Variants in NPM2 observed in about 807,000 individuals in gnomAD.
NPM2 encodes nucleoplasmin-2.
A neutral mutation model predicts 32.0 loss-of-function variants in NPM2; 25 were observed. The ratio of observed to expected loss-of-function variants is 0.78; its 90% confidence interval spans 0.57 to 1.09. The LOEUF (loss-of-function observed/expected upper bound fraction) is 1.09, where lower values mean the gene tolerates loss of function less well. Ranked by LOEUF, NPM2 falls within the 50% of genes least tolerant of loss-of-function variation. The pLI, the probability that NPM2 is intolerant of heterozygous loss-of-function variation, is 0.00. For synonymous variants in NPM2, 111 were observed against 94.2 expected (o/e 1.18, Z -1.04); for missense variants, 282 against 259.9 (o/e 1.08, Z -0.58).
rs900632389 is a variant in NPM2, at chr8:22,024,944, C to T, written c.-34+114C>T. 2.4e-5 allele frequency: 10 copies of T among 422,804 alleles called. No individual in the cohort carries two copies. In the East Asian group the frequency reaches 4.6e-4, roughly 19 times the overall value. The allele number at this position is 422,804 out of a possible 1,614,324, so 26.2% of individuals were successfully genotyped here. A position where few individuals can be genotyped will look rare whatever the true frequency, so the allele number is the denominator to read the frequency against. On this transcript the variant is annotated intron_variant, in intron 2 of 9. Coordinates refer to ENST00000518119, the MANE Select transcript of NPM2 (RefSeq NM_001286680.2). ...AGGCCCAAGCGCAGCCAGGTGACCT[C>T]CCCGCGGCCTTTCAAGCCTGAGCTC...
intron 5 of NPM2, among the ~76,000 whole-genome samples, chr8:22,028,587 C>T (rs979602817): frequency 5.9e-5 from 9 of 151,688 alleles, no homozygotes; most frequent in African/African-American, 1.9e-4. Flanking sequence ...GCCTCAGCCT[C>T]CCAAAGTGCT....
At chr8:22,031,285 C>G (rs1158232761) in intron 5 of NPM2, among the ~76,000 whole-genome samples, 1 of 152,088 alleles carries the variant, frequency 6.6e-6, no homozygotes, top group Non-Finnish European at 1.5e-5. Context: ...GAGAAGAGGG[C>G]TGGTTTGGGC....
Position 22,025,295 on chromosome 8 carries a change from C to G in NPM2, c.47C>G (p.Thr16Ser), listed in dbSNP as rs1034928415. Residue 16 changes from threonine (T) to serine (S), a missense_variant, in exon 3 of 10, where the codon ACC (threonine) becomes AGC (serine). Transcript: ENST00000518119. ...ASSTEEKAVTTVLWGCELSQE... is the reference protein window; with the variant it reads ...ASSTEEKAVTSVLWGCELSQE... ...AGCACGGAGGAAAAGGCAGTGACGACCGTGCTCTGGGGTGAGTGGGGACTC... is the reference window on the plus strand; with the variant it reads ...AGCACGGAGGAAAAGGCAGTGACGAGCGTGCTCTGGGGTGAGTGGGGACTC... 6.2e-7 allele frequency: 1 copy of G among 1,610,192 alleles called. No homozygotes were observed. The highest frequency in any genetic ancestry group is 1.3e-5 in the African/African-American group (1 of 74,776).
intron 5 of NPM2, among the ~76,000 whole-genome samples, chr8:22,026,506 G>C (rs1241392535): frequency 8.2e-5 from 12 of 146,288 alleles, no homozygotes; most frequent in Admixed American, 7.7e-4. Context: ...CCAGGCTGGA[G>C]TGCAGTGGTG....
chr8:22,033,101 C>T, intron 5 of NPM2, 29 bp from the exon 6 acceptor site: 1 of 1,569,406 alleles, frequency 6.4e-7, no homozygotes, highest in Non-Finnish European at 8.8e-7. Context: ...CCTAAGTGGC[C>T]CTGTCTTCTC....
intron 4 of NPM2, 42 bp from the exon 5 acceptor site, chr8:22,025,605 C>T: frequency 2.5e-6 from 4 of 1,614,066 alleles, no homozygotes; most frequent in Non-Finnish European, 3.4e-6. Context: ...CTCCCGTCGG[C>T]CCTCAGGGTG....
intron 5 of NPM2, among the ~76,000 whole-genome samples, chr8:22,027,709 T>G (rs2309309): frequency 6.6e-6 from 1 of 152,052 alleles, no homozygotes; most frequent in African/African-American, 2.4e-5. Context: ...CATGTTCGAG[T>G]GATTCTCCCA....
Position 22,033,167 on chromosome 8 carries a change from C to T in NPM2, c.308C>T (p.Thr103Ile), listed in dbSNP as rs1800497081. The change falls in exon 6 of 10, where the codon ACT becomes ATT. Residue 103 changes from threonine (T) to isoleucine (I), a missense_variant. Thr to Ile is a moderately conservative substitution (Grantham distance 89). Transcript: ENST00000518119. ...GGAGTGCAGCTTTCTCCCCCAGTTA[C>T]TTTCCAGCTCCGGGCTGGCTCAGGA... ...MVGVQLSPPV[T>I]FQLRAGSGPV... The T allele has an allele frequency of 6.2e-7, 1 of 1,614,036 alleles. No homozygotes were observed. The highest frequency in any genetic ancestry group is 1.1e-5 in the South Asian group (1 of 91,082).
intron 5 of NPM2, among the ~76,000 whole-genome samples, chr8:22,030,281 TAGGTTGGAG>T: frequency 6.6e-6 from 1 of 152,182 alleles, no homozygotes; most frequent in Non-Finnish European, 1.5e-5. Context: ...CTCTGTTGCC[TAGGTTGGAG>T]TGCAGTGGCC....
chr8:22,034,117 G>C lies in NPM2; in HGVS notation c.373G>C (p.Asp125His), dbSNP rs1275593432. 6.3e-7 allele frequency: 1 copy of C among 1,598,230 alleles called. No individual in the cohort carries two copies. Among genetic ancestry groups the C allele is most frequent in the Admixed American group, 1.7e-5 (1 of 58,840 alleles). The change falls in exon 7 of 10, where the codon GAC becomes CAC. Residue 125 changes from aspartate (D) to histidine (H), a missense_variant. Physicochemically the swap from Asp to His is moderately conservative, Grantham distance 81 (BLOSUM62 -1). Coordinates refer to ENST00000518119, the MANE Select transcript of NPM2 (RefSeq NM_001286680.2). Reference sequence around the variant, plus strand: ...TTCCCATGCTATTACAGAAGCATCAGACCTAACCTGGGAGGAGGAGGAGGA... The same window carrying C: ...TTCCCATGCTATTACAGAAGCATCACACCTAACCTGGGAGGAGGAGGAGGA... ...LSGQERYEAS[D>H]LTWEEEEEEE...
chr8:22,036,252 A>C, intron 8 of NPM2: 1 of 479,622 alleles, frequency 2.1e-6, no homozygotes, highest in East Asian at 3.7e-5. Context: ...CCATCTCAAA[A>C]ACAAAACAAA....
intron 5 of NPM2, among the ~76,000 whole-genome samples, chr8:22,030,769 T>C (rs900831463): frequency 1.3e-5 from 2 of 152,142 alleles, no homozygotes; most frequent in African/African-American, 2.4e-5. Flanking sequence ...AGCCTTGAAC[T>C]CCTGAGTTCA....
intron 4 of NPM2, 43 bp downstream of exon 4, chr8:22,025,564 C>A: frequency 6.2e-7 from 1 of 1,613,334 alleles, no homozygotes; most frequent in Non-Finnish European, 8.5e-7. Context: ...TGTCCGGGAA[C>A]TTTCTGGTCC....
chr8:22,026,701 C>T (rs577559380), intron 5 of NPM2, among the ~76,000 whole-genome samples: 6 of 152,128 alleles, frequency 3.9e-5, no homozygotes, highest in Admixed American at 1.3e-4. Flanking sequence ...GTGATTCGCC[C>T]GCCTTGGCCT....
At chr8:22,028,341 ATTTTTTTTT>A (rs36012479) in intron 5 of NPM2, among the ~76,000 whole-genome samples, 3 of 65,570 alleles carry the variant, frequency 4.6e-5, no homozygotes, top group African/African-American at 1.8e-4. Context: ...TGCCAAAAAG[ATTTTTTTTT>A]TTTTTTTTTT....
intron 5 of NPM2, among the ~76,000 whole-genome samples, chr8:22,025,994 G>A (rs1289336468): frequency 6.6e-6 from 1 of 152,066 alleles, no homozygotes; most frequent in East Asian, 1.9e-4. Flanking sequence ...CTTTAAACCA[G>A]GGGTCCCCAA....
intron 5 of NPM2, among the ~76,000 whole-genome samples, chr8:22,031,080 A>G (rs1179525911): frequency 1.3e-5 from 2 of 152,134 alleles, no homozygotes; most frequent in Middle Eastern, 3.2e-3. Context: ...TACCTCAGGA[A>G]TATCATAAGC....
rs1250250233 is a variant in NPM2, at chr8:22,025,700, C to T, written c.198C>T (p.Pro66=). 6 of 1,613,942 alleles carry T rather than the reference C, an allele frequency of 3.7e-6. No homozygotes were observed. The highest frequency in any genetic ancestry group is 5.1e-6 in the Non-Finnish European group (6 of 1,180,012). Residue 66 remains proline, a synonymous_variant, in exon 5 of 10, where the codon CCC becomes CCT. Coordinates refer to ENST00000518119, the MANE Select transcript of NPM2 (RefSeq NM_001286680.2). Reference sequence around the variant, plus strand: ...AGATGCATCGCGTGGAGATCCTGCCCCCAGCAAACCAGGAGGACAAGAAGA... The same window carrying T: ...AGATGCATCGCGTGGAGATCCTGCCTCCAGCAAACCAGGAGGACAAGAAGA... ...KEEMHRVEIL[P]PANQEDKKMQ...
chr8:22,024,927 G>A (rs1314950625), intron 2 of NPM2, 97 bp downstream of exon 2: 1 of 381,664 alleles, frequency 2.6e-6, no homozygotes, highest in Non-Finnish European at 4.7e-6. Context: ...TCAGGCCCAA[G>A]CGCAGCCAGG....
Sources: allele counts gnomAD v4.1 joint callset (sites outside exome capture counted in the v4.1 genomes callset), GRCh38; gene constraint gnomAD v4.1.1; transcripts MANE v1.5; gene names NCBI Gene and HGNC (gene_info 2026-07-23, HGNC 2026-07-21).